ITGA11: variants seen among roughly 807,000 people sequenced by gnomAD.
ITGA11 encodes the protein integrin alpha-11.
In ITGA11, 97 loss-of-function variants were observed where a neutral mutation model predicts 141.9. The ratio of observed to expected loss-of-function variants is 0.68; its 90% CI spans 0.58 to 0.81. The LOEUF (loss-of-function observed/expected upper bound fraction) is 0.81. Ranked by LOEUF, ITGA11 falls within the 30% of genes least tolerant of loss-of-function variation. ITGA11 has a pLI of 0.00. For synonymous variants in ITGA11, 658 were observed against 624.6 expected (o/e 1.05, Z -0.80); for missense variants, 1,387 against 1,559.2 (o/e 0.89, Z 1.86).
chr15:68,297,651 T>C lies in ITGA11; in HGVS notation c.*5408A>G, dbSNP rs970886430. On this transcript the variant is annotated 3_prime_UTR_variant, in exon 30 of 30. Transcript: ENST00000315757. ...TTTTTGTTTTTAAAGAAATAAATTTTCAGTTACTTCTTTTGGATGTCCCAG... is the reference window on the plus strand; with the variant it reads ...TTTTTGTTTTTAAAGAAATAAATTTCCAGTTACTTCTTTTGGATGTCCCAG... 1 of 152,298 alleles carries C rather than the reference T, an allele frequency of 6.6e-6. No homozygotes were observed. The highest frequency in any genetic ancestry group is 3.4e-3 in the Middle Eastern group (1 of 294). 9.4% of individuals were successfully genotyped at this position (152,298 alleles called of 1,614,324 possible).
chr15:68,398,023 C>A (rs1268646282), intron 2 of ITGA11, among the ~76,000 whole-genome samples: 3 of 150,778 alleles, frequency 2.0e-5, no homozygotes, highest in Non-Finnish European at 4.5e-5. Flanking sequence ...TGGAAAGGAA[C>A]AACCGGTACC....
intron 6 of ITGA11, among the ~76,000 whole-genome samples, chr15:68,357,978 G>A (rs571524580): frequency 1.1e-4 from 16 of 152,248 alleles, no homozygotes; most frequent in African/African-American, 3.6e-4. Flanking sequence ...CTTGAAATCT[G>A]CCATCTAATA....
chr15:68,302,818 C>T lies in ITGA11; in HGVS notation c.*241G>A. 1 of 503,432 alleles carries T rather than the reference C, an allele frequency of 2.0e-6. No homozygotes were observed. The allele number at this position is 503,432 out of a possible 1,614,324, so 31.2% of individuals were successfully genotyped here. A position where few individuals can be genotyped will look rare whatever the true frequency, so the allele number is the denominator to read the frequency against. ...TGGGCCTGGGTGTGTGTAGGGGTGT[C>T]CCTTTAAATCCCTAGGGGTCTGTGT... On this transcript the variant is annotated 3_prime_UTR_variant, in exon 30 of 30. Transcript: ENST00000315757.
At chr15:68,375,309 G>A (rs887747553) in intron 2 of ITGA11, among the ~76,000 whole-genome samples, 3 of 152,218 alleles carry the variant, frequency 2.0e-5, no homozygotes, top group African/African-American at 7.2e-5. Flanking sequence ...TTCACTGGAG[G>A]AGCCGAGAGC....
intron 1 of ITGA11, among the ~76,000 whole-genome samples, chr15:68,409,582 G>T (rs545710772): frequency 6.6e-6 from 1 of 151,374 alleles, no homozygotes; most frequent in African/African-American, 2.4e-5. Flanking sequence ...TACCTGATTA[G>T]GTAGGTACTG....
At chr15:68,340,833 G>A (rs539327836) in intron 10 of ITGA11, 1 of 152,596 alleles carries the variant, frequency 6.6e-6, no homozygotes, top group Non-Finnish European at 1.5e-5. Flanking sequence ...ACTTGGAAGA[G>A]GAAGGAAAAT....
In ITGA11 at chr15:68,317,443, T is replaced by C. The variant is rs1339608714; in HGVS notation, c.2617-80A>G. The C allele has an allele frequency of 2.0e-5, 19 of 959,270 alleles. No individual in the cohort carries two copies. In the Middle Eastern group the frequency reaches 6.2e-4, roughly 31 times the overall value. The allele number at this position is 959,270 out of a possible 1,614,324, so 59.4% of individuals were successfully genotyped here. A position where few individuals can be genotyped will look rare whatever the true frequency, so the allele number is the denominator to read the frequency against. On this transcript the variant is annotated intron_variant, in intron 20 of 29. Transcript: ENST00000315757. ...TCTCGAGGCTCCCTCACCCCCAGCC[T>C]GCACCCCACTCTGCAGGGGCCGCCT...
chr15:68,400,665 T>TTA (rs1252432080), intron 2 of ITGA11, among the ~76,000 whole-genome samples: 1 of 48,730 alleles, frequency 2.1e-5, no homozygotes. Flanking sequence ...AATAAATATA[T>TTA]TATATATTAT....
rs994031839 is a variant in ITGA11, at chr15:68,305,717, G to C, written c.3381+1631C>G. Among the ~76,000 whole-genome samples the C allele has an allele frequency of 1.3e-5, 2 of 152,170 alleles. No individual in the cohort carries two copies. Among genetic ancestry groups the C allele is most frequent in the African/African-American group, 4.8e-5 (2 of 41,444 alleles). ...GGTGGGGACAGTGCCTCACAGTGTT[G>C]AGAGGTCTGTCACCATGTTCAGCAC... On this transcript the variant is annotated intron_variant, in intron 28 of 29. Transcript: ENST00000315757. The surrounding 1 kb of genome is among the most constrained non-coding windows in gnomAD (Gnocchi z 4.6).
intron 7 of ITGA11, among the ~76,000 whole-genome samples, chr15:68,351,638 C>T (rs1894914265): frequency 6.6e-6 from 1 of 152,142 alleles, no homozygotes; most frequent in Non-Finnish European, 1.5e-5. Flanking sequence ...GTTGAAAAGC[C>T]CCTTTGGAGT....
At position 68,335,555 on chromosome 15, in the gene ITGA11, T is replaced by C; in HGVS notation, c.1425+142A>G. 2 of 942,078 alleles carry C rather than the reference T, an allele frequency of 2.1e-6. No individual in the cohort carries two copies. The highest frequency in any genetic ancestry group is 3.2e-6 in the Non-Finnish European group (2 of 620,960). 58.4% of individuals were successfully genotyped at this position (942,078 alleles called of 1,614,324 possible). ...GGTGGATGCGCACTCCTGCCACTCC[T>C]GGCAGCATGAAGGTGGCTGGAGGAA... is the stretch of plus-strand genomic sequence containing the variant. On this transcript the variant is annotated intron_variant, in intron 12 of 29. Coordinates refer to ENST00000315757, the MANE Select transcript of ITGA11 (RefSeq NM_001004439.2). This position sits in a 1 kb window ranked among gnomAD's most constrained non-coding sequence, Gnocchi z 4.9.
At chr15:68,393,630 T>G (rs1896167898) in intron 2 of ITGA11, among the ~76,000 whole-genome samples, 1 of 152,130 alleles carries the variant, frequency 6.6e-6, no homozygotes, top group African/African-American at 2.4e-5. Context: ...ATTAAGATCT[T>G]TTCAGACAAA....
rs752304170 is a variant in ITGA11, at chr15:68,307,596, G to T, written c.3275C>A (p.Ser1092Tyr). Reference sequence around the variant, plus strand: ...AGGGGCTCTACTTACTGCTTTTAGGGACCTCAACCACAGGTTCCCCAGTAG... The same window carrying T: ...AGGGGCTCTACTTACTGCTTTTAGGTACCTCAACCACAGGTTCCCCAGTAG... ...FHLLGNLWLR[S>Y]LKALKYKSMK... The change falls in exon 27 of 30, where the codon TCC (serine) becomes TAC (tyrosine). Residue 1092 changes from serine (S) to tyrosine (Y), a missense_variant. Transcript: ENST00000315757. The surrounding 1 kb of genome is among the most constrained non-coding windows in gnomAD (Gnocchi z 6.1). 2.5e-6 allele frequency: 4 copies of T among 1,611,688 alleles called. No homozygotes were observed. In the South Asian group the frequency reaches 4.4e-5, roughly 18 times the overall value.
At chr15:68,382,461 T>A (rs1246279533) in intron 2 of ITGA11, among the ~76,000 whole-genome samples, 1 of 152,202 alleles carries the variant, frequency 6.6e-6, no homozygotes, top group African/African-American at 2.4e-5. Flanking sequence ...GGCCATGGTC[T>A]CCAGACCCTT....
At chr15:68,315,770 C>A in intron 21 of ITGA11, 43 bp from the exon 22 acceptor site, 1 of 1,494,842 alleles carries the variant, frequency 6.7e-7, no homozygotes, top group Non-Finnish European at 9.1e-7. Flanking sequence ...CTGGGACCAG[C>A]CCCGCCCACT....
chr15:68,426,365 T>C (rs1329376418), intron 1 of ITGA11, among the ~76,000 whole-genome samples: 1 of 152,138 alleles, frequency 6.6e-6, no homozygotes, highest in Non-Finnish European at 1.5e-5. Context: ...ACCTTGACCC[T>C]GAGAATGGGC....
At chr15:68,395,880 C>G (rs1432886935) in intron 2 of ITGA11, among the ~76,000 whole-genome samples, 4 of 149,492 alleles carry the variant, frequency 2.7e-5, no homozygotes, top group Admixed American at 6.7e-5. Context: ...ATAATAATAA[C>G]AATAAAAAAG....
At chr15:68,345,432 G>A (rs1894712925) in intron 10 of ITGA11, among the ~76,000 whole-genome samples, 1 of 152,176 alleles carries the variant, frequency 6.6e-6, no homozygotes, top group African/African-American at 2.4e-5. Context: ...TCCAGGTGAT[G>A]TCTTGGGGTC....
intron 22 of ITGA11, 73 bp from the exon 23 acceptor site, chr15:68,313,941 G>C (rs1595853138): frequency 1.7e-6 from 2 of 1,192,148 alleles, no homozygotes; most frequent in East Asian, 4.7e-5. Flanking sequence ...GTCTGAGGCA[G>C]ACTGTGGAAG....
Sources: allele counts gnomAD v4.1 joint callset (sites outside exome capture counted in the v4.1 genomes callset), GRCh38; gene constraint gnomAD v4.1.1; non-coding constraint Gnocchi (gnomAD v3.1); transcripts MANE v1.5; gene names NCBI Gene and HGNC (gene_info 2026-07-23, HGNC 2026-07-21).